The following PGM2L1 variants were observed in gnomAD, a reference collection of about 807,000 sequenced individuals.
PGM2L1 encodes glucose 1,6-bisphosphate synthase.
Under a neutral mutation model 73.4 loss-of-function variants are expected in PGM2L1, and 35 were observed. The observed-to-expected ratio is 0.48, with a 90% confidence interval of 0.36 to 0.63. The LOEUF (loss-of-function observed/expected upper bound fraction) is 0.63, where lower values mean the gene tolerates loss of function less well. Among genes scored for constraint, PGM2L1 ranks in the 30% least tolerant of loss-of-function variants. The pLI, the probability that PGM2L1 is intolerant of heterozygous loss-of-function variation, is 0.00. For missense variants in PGM2L1, 570 were observed against 742.0 expected, an observed-to-expected ratio of 0.77 and a Z score of 2.69; for synonymous variants, 225 against 253.8, an observed-to-expected ratio of 0.89 and a Z score of 1.08.
At position 74,398,163 on chromosome 11, in the gene PGM2L1, G is replaced by T; in HGVS notation, c.-2C>A. Reference sequence around the variant, plus strand: ...ATCCCCCTCTGTGTTTTCAGCCATGGCGACCAGACAGGCGTACGGGCCGGG... The same window carrying T: ...ATCCCCCTCTGTGTTTTCAGCCATGTCGACCAGACAGGCGTACGGGCCGGG... On this transcript the variant is annotated 5_prime_UTR_variant, in exon 1 of 14. Transcript: ENST00000298198. The T allele has an allele frequency of 6.2e-7, 1 of 1,608,736 alleles. No homozygotes were observed. The highest frequency in any genetic ancestry group is 8.5e-7 in the Non-Finnish European group (1 of 1,177,002).
chr11:74,397,936 C>A, intron 1 of PGM2L1, 115 bp downstream of exon 1: 1 of 1,379,894 alleles, frequency 7.2e-7, no homozygotes, highest in Non-Finnish European at 9.4e-7. Flanking sequence ...CCGCTGCCCC[C>A]CGCTCGGTGT....
intron 1 of PGM2L1, among the ~76,000 whole-genome samples, chr11:74,377,560 G>T (rs930103529): frequency 6.6e-6 from 1 of 152,122 alleles, no homozygotes; most frequent in Non-Finnish European, 1.5e-5. Context: ...ATATCATCTA[G>T]AAGTATTCCA....
chr11:74,393,755 C>G (rs562345737), intron 1 of PGM2L1, among the ~76,000 whole-genome samples: 1 of 152,290 alleles, frequency 6.6e-6, no homozygotes, highest in East Asian at 1.9e-4. Flanking sequence ...ACCTTTGTGA[C>G]AGCTGCTATA....
In PGM2L1 at chr11:74,334,797, T is replaced by C. The variant is rs528260814; in HGVS notation, c.*1855A>G. ...ATCTCCCATAAGCAATTTGTTTAGG[T>C]CTTGTTATTGTTATCTCCTAACTAT... On this transcript the variant is annotated 3_prime_UTR_variant, in exon 14 of 14. Coordinates refer to ENST00000298198, the MANE Select transcript of PGM2L1 (RefSeq NM_173582.6). 6.6e-6 allele frequency: 1 copy of C among 152,318 alleles called. No individual in the cohort carries two copies. The highest frequency in any genetic ancestry group is 2.1e-4 in the South Asian group (1 of 4,826). The allele number at this position is 152,318 out of a possible 1,614,324, so 9.4% of individuals were successfully genotyped here. A position where few individuals can be genotyped will look rare whatever the true frequency, so the allele number is the denominator to read the frequency against.
At chr11:74,374,169 C>T (rs1862820197) in intron 2 of PGM2L1, among the ~76,000 whole-genome samples, 3 of 152,006 alleles carry the variant, frequency 2.0e-5, no homozygotes, top group Non-Finnish European at 4.4e-5. Flanking sequence ...CTGCAACCTC[C>T]GACTCCCAGG....
At chr11:74,381,993 G>A (rs932262007) in intron 1 of PGM2L1, among the ~76,000 whole-genome samples, 2 of 149,038 alleles carry the variant, frequency 1.3e-5, no homozygotes, top group Non-Finnish European at 3.0e-5. Flanking sequence ...TTTTTAAAAT[G>A]AGTAAGCCCA....
intron 1 of PGM2L1, among the ~76,000 whole-genome samples, chr11:74,375,930 C>T (rs1862846748): frequency 6.6e-6 from 1 of 151,926 alleles, no homozygotes; most frequent in Non-Finnish European, 1.5e-5. Context: ...CATAGAGAGG[C>T]CAAAGAGAGT....
rs759205437 is a variant in PGM2L1, at chr11:74,370,096, T to C, written c.471+806A>G. Among the ~76,000 whole-genome samples the C allele has an allele frequency of 5.3e-5, 8 of 152,332 alleles. No homozygotes were observed. In the South Asian group the frequency reaches 1.7e-3, roughly 32 times the overall value. On this transcript the variant is annotated intron_variant, in intron 4 of 13. Coordinates refer to ENST00000298198, the MANE Select transcript of PGM2L1 (RefSeq NM_173582.6). ...AAATAAAGTACTTTAGTTATCAATGTTTCTTAACGTTTTAAATTACAATGT... is the reference window on the plus strand; with the variant it reads ...AAATAAAGTACTTTAGTTATCAATGCTTCTTAACGTTTTAAATTACAATGT...
In PGM2L1 at chr11:74,336,726, T is replaced by C. The variant is rs764880897; in HGVS notation, c.1795A>G (p.Lys599Glu). ...TCTATCAGAGCATCAATGAGTTTCT[T>C]CAGTTCTTCCTCCAGTAAAGCAGTG... ...SDTALLEEEL[K>E]KLIDALIENF... The change falls in exon 14 of 14, where the codon AAG (lysine) becomes GAG (glutamate). Residue 599 changes from lysine to glutamate, a missense_variant. By Grantham distance (56) the Lys-to-Glu change is moderately conservative. Transcript: ENST00000298198. 6.2e-7 allele frequency: 1 copy of C among 1,612,466 alleles called. No individual in the cohort carries two copies. Among genetic ancestry groups the C allele is most frequent in the East Asian group, 2.2e-5 (1 of 44,832 alleles).
intron 12 of PGM2L1, among the ~76,000 whole-genome samples, chr11:74,339,395 G>A (rs1591163842): frequency 6.6e-6 from 1 of 152,252 alleles, no homozygotes; most frequent in East Asian, 1.9e-4. Context: ...ATCTCGAGGG[G>A]ACTGTGAGGG....
chr11:74,353,062 T>C (rs1862382320), intron 5 of PGM2L1, among the ~76,000 whole-genome samples: 1 of 152,232 alleles, frequency 6.6e-6, no homozygotes. Context: ...ATCCAAGGTC[T>C]GCACTTCAGT....
chr11:74,360,875 G>A (rs932264040), intron 5 of PGM2L1, among the ~76,000 whole-genome samples: 1 of 152,218 alleles, frequency 6.6e-6, no homozygotes, highest in African/African-American at 2.4e-5. Flanking sequence ...CATTGCTGAG[G>A]CTTGAGTAGA....
At chr11:74,340,808 G>A (rs967133736) in intron 12 of PGM2L1, among the ~76,000 whole-genome samples, 1 of 152,106 alleles carries the variant, frequency 6.6e-6, no homozygotes, top group Non-Finnish European at 1.5e-5. Context: ...CTAATTATGA[G>A]GCCTAGAGGT....
chr11:74,398,113 G>A lies in PGM2L1; in HGVS notation c.49C>T (p.Pro17Ser). Reference sequence around the variant, plus strand: ...AGCTGAGGGTCCCCGGTGTGGTAGGGGGCGTGGAGCAGGTTGGAGTTCAGA... The same window carrying A: ...AGCTGAGGGTCCCCGGTGTGGTAGGAGGCGTGGAGCAGGTTGGAGTTCAGA... ...GDLNSNLLHA[P>S]YHTGDPQLDT... The change falls in exon 1 of 14, where the codon CCC (proline) becomes TCC (serine). Residue 17 changes from proline (P) to serine (S), a missense_variant. By Grantham distance (74) the Pro-to-Ser change is moderately conservative. Coordinates refer to ENST00000298198, the MANE Select transcript of PGM2L1 (RefSeq NM_173582.6). The A allele has an allele frequency of 1.2e-6, 2 of 1,613,268 alleles. No homozygotes were observed. Among genetic ancestry groups the A allele is most frequent in the Non-Finnish European group, 1.7e-6 (2 of 1,179,496 alleles).
At chr11:74,340,065 T>C (rs543613251) in intron 12 of PGM2L1, among the ~76,000 whole-genome samples, 1 of 152,238 alleles carries the variant, frequency 6.6e-6, no homozygotes, top group African/African-American at 2.4e-5. Context: ...GCTATATTCC[T>C]AGTGTACCTG....
chr11:74,351,120 C>T (rs1004566956), intron 6 of PGM2L1, among the ~76,000 whole-genome samples: 1 of 152,112 alleles, frequency 6.6e-6, no homozygotes. Flanking sequence ...ATGATGTTTT[C>T]AAGGTTTATC....
chr11:74,347,607 A>G (rs888195148), intron 6 of PGM2L1, among the ~76,000 whole-genome samples: 8 of 152,148 alleles, frequency 5.3e-5, no homozygotes, highest in Non-Finnish European at 8.8e-5. Context: ...CTAAGCTTGT[A>G]TCATCTAAGT....
At chr11:74,370,807 A>G in intron 4 of PGM2L1, 95 bp downstream of exon 4, 1 of 1,124,296 alleles carries the variant, frequency 8.9e-7, no homozygotes, top group Non-Finnish European at 1.3e-6. Context: ...TACTCAATAC[A>G]GAACTACATG....
intron 9 of PGM2L1, among the ~76,000 whole-genome samples, chr11:74,343,644 A>T (rs1425239265): frequency 2.0e-5 from 3 of 152,212 alleles, no homozygotes; most frequent in Non-Finnish European, 4.4e-5. Flanking sequence ...GGTGATTTAC[A>T]CCAAATATAA....
Sources: allele counts gnomAD v4.1 joint callset (sites outside exome capture counted in the v4.1 genomes callset), GRCh38; gene constraint gnomAD v4.1.1; transcripts MANE v1.5; gene names NCBI Gene and HGNC (gene_info 2026-07-23, HGNC 2026-07-21).